The following ZNF83 variants were observed in gnomAD, a reference collection of about 807,000 sequenced individuals.
ZNF83 encodes zinc finger protein 816B.
For synonymous variants in ZNF83, 209 were observed against 213.0 expected, an observed-to-expected ratio of 0.98 and a Z score of 0.17; for missense variants, 552 against 629.9, an observed-to-expected ratio of 0.88 and a Z score of 1.32.
At position 52,659,404 on chromosome 19, in the gene ZNF83, T is replaced by C. The variant is rs1049617956; in HGVS notation, c.-201+1358A>G. Among the ~76,000 whole-genome samples, 4 of 152,082 alleles carry C rather than the reference T, an allele frequency of 2.6e-5. No individual in the cohort carries two copies. In the East Asian group the frequency reaches 7.7e-4, roughly 29 times the overall value. On this transcript the variant is annotated intron_variant, in intron 2 of 5. Coordinates refer to the ZNF83 transcript ENST00000594682. ...CTAAGGTTTCATCACGGGACAATAGTTGTCAGCTCAACAGAAACGGTATAT... is the reference window on the plus strand; with the variant it reads ...CTAAGGTTTCATCACGGGACAATAGCTGTCAGCTCAACAGAAACGGTATAT...
In ZNF83 at chr19:52,614,013, C is replaced by T. The variant is rs1488762586; in HGVS notation, c.552G>A (p.Lys184=). 18 of 1,613,020 alleles carry T rather than the reference C, an allele frequency of 1.1e-5. No individual in the cohort carries two copies. The East Asian group carries it at 4.0e-4, about 36-fold the overall frequency. Reference sequence around the variant, plus strand: ...CAAGGTGTGAAATTTGATTAAAGACCTTGCCACATTCATTACATTTATATG... The same window carrying T: ...CAAGGTGTGAAATTTGATTAAAGACTTTGCCACATTCATTACATTTATATG... The change falls in exon 3 of 3, where the codon AAG becomes AAA. Residue 184 remains lysine, a synonymous_variant. Transcript: ENST00000301096.
intron 1 of ZNF83, among the ~76,000 whole-genome samples, chr19:52,682,860 CCTT>C (rs1005514765): frequency 6.6e-6 from 1 of 151,962 alleles, no homozygotes; most frequent in Non-Finnish European, 1.5e-5. Context: ...CAGAGCGACA[CCTT>C]CTCTCTCTGT....
At chr19:52,675,948 T>C (rs942382339) in intron 1 of ZNF83, among the ~76,000 whole-genome samples, 1 of 152,078 alleles carries the variant, frequency 6.6e-6, no homozygotes, top group African/African-American at 2.4e-5. Context: ...TCCCACCACT[T>C]TGGGAGGCCG....
At chr19:52,650,895 G>A (rs2061433708) in intron 3 of ZNF83, 1 of 152,132 alleles carries the variant, frequency 6.6e-6, no homozygotes. Flanking sequence ...AGTGGTCAAG[G>A]GAGGGAAATT....
Position 52,622,770 on chromosome 19 carries a change from C to G in ZNF83, c.-233-7973G>C, listed in dbSNP as rs550602677. 6.8e-5 allele frequency among the ~76,000 whole-genome samples: 10 copies of G among 147,490 alleles called. 1 individual carries two copies. In the South Asian group the frequency reaches 2.2e-3, roughly 33 times the overall value. The stretch of plus-strand genomic sequence containing the variant: ...TATGCATTTTATCAACCAGTCAGCT[C>G]CTGACATTAGAAAAAAGCTTCAAAA... On this transcript the variant is annotated intron_variant, in intron 2 of 2. Coordinates refer to ENST00000301096, the Ensembl canonical transcript of ZNF83.
chr19:52,684,034 G>T (rs911679351), intron 1 of ZNF83, among the ~76,000 whole-genome samples: 1 of 152,098 alleles, frequency 6.6e-6, no homozygotes, highest in Non-Finnish European at 1.5e-5. Flanking sequence ...ACGAGTTTGA[G>T]ATTAGCCATG....
intron 2 of ZNF83, among the ~76,000 whole-genome samples, chr19:52,621,597 G>C (rs1001399487): frequency 7.4e-6 from 1 of 134,592 alleles, no homozygotes; most frequent in African/African-American, 2.7e-5. Flanking sequence ...CACTCTCTCT[G>C]TGTCTCTACC....
At chr19:52,654,449 T>C (rs920843295) in intron 3 of ZNF83, 6 of 749,632 alleles carry the variant, frequency 8.0e-6, no homozygotes, top group Non-Finnish European at 1.0e-5. Flanking sequence ...GTACAGATGG[T>C]AAATAATATT....
At chr19:52,683,962 A>T (rs1454630360) in intron 1 of ZNF83, among the ~76,000 whole-genome samples, 2 of 152,182 alleles carry the variant, frequency 1.3e-5, no homozygotes, top group African/African-American at 4.8e-5. Context: ...GGGCGGGCAC[A>T]GTGACTCCCG....
chr19:52,671,044 A>G (rs1442801752), intron 1 of ZNF83, among the ~76,000 whole-genome samples: 2 of 152,206 alleles, frequency 1.3e-5, no homozygotes, highest in Admixed American at 1.3e-4. Context: ...TAGGGCCTAG[A>G]AGAAAAAGAT....
upstream of ZNF83, among the ~76,000 whole-genome samples, chr19:52,640,573 A>G (rs1239238178): frequency 2.0e-5 from 3 of 152,078 alleles, no homozygotes; most frequent in Non-Finnish European, 2.9e-5. Flanking sequence ...TCTGTCGCCC[A>G]GTGGTGCAAT....
chr19:52,639,474 G>A (rs1372725156), upstream of ZNF83, among the ~76,000 whole-genome samples: 1 of 135,838 alleles, frequency 7.4e-6, no homozygotes, highest in Non-Finnish European at 1.5e-5. Flanking sequence ...CTGGAATGCG[G>A]TGGCGAGATC....
intron 1 of ZNF83, among the ~76,000 whole-genome samples, chr19:52,666,177 AAG>A (rs1555789578): frequency 6.6e-6 from 1 of 151,074 alleles, no homozygotes; most frequent in African/African-American, 2.4e-5. Context: ...AAAAAAAAAA[AAG>A]AAAGAGACAG....
Position 52,686,643 on chromosome 19 carries a change from A to G in ZNF83, c.-283+3800T>C, listed in dbSNP as rs536166259. ...GGCTGCAGTGCAGCAACATGATTTC[A>G]GCTCACTGCAACCTCTACCTCCCAG... On this transcript the variant is annotated intron_variant, in intron 1 of 5. Coordinates refer to the ZNF83 transcript ENST00000594682. Among the ~76,000 whole-genome samples, 29 of 152,130 alleles carry G rather than the reference A, an allele frequency of 1.9e-4. No homozygotes were observed. In the South Asian group the frequency reaches 5.8e-3, roughly 30 times the overall value.
Position 52,687,883 on chromosome 19 carries a change from C to G in ZNF83, c.-283+2560G>C, listed in dbSNP as rs556892303. On this transcript the variant is annotated intron_variant, in intron 1 of 5. Transcript: ENST00000594682. ...TAATAACAGAAAGTGATTTTTGTTG[C>G]ACTTCACTGCCCCACGTCCTACCCC... is the stretch of plus-strand genomic sequence containing the variant. 7.1e-4 allele frequency among the ~76,000 whole-genome samples: 107 copies of G among 151,118 alleles called. 1 individual carries two copies. The South Asian group carries it at 0.022, about 31-fold the overall frequency.
intron 1 of ZNF83, among the ~76,000 whole-genome samples, chr19:52,683,425 C>A (rs1037423196): frequency 6.6e-6 from 1 of 151,698 alleles, no homozygotes; most frequent in Non-Finnish European, 1.5e-5. Flanking sequence ...AGTCACGGAG[C>A]CTCCAGCTCC....
intron 2 of ZNF83, among the ~76,000 whole-genome samples, chr19:52,620,108 A>T (rs2060479650): frequency 1.3e-5 from 2 of 152,176 alleles, no homozygotes; most frequent in Admixed American, 1.3e-4. Context: ...ATATATGTCC[A>T]CAAAATAATA....
At position 52,614,765 on chromosome 19, in the gene ZNF83, G is replaced by T. The variant is rs867131887; in HGVS notation, c.-201C>A. 4.7e-6 allele frequency: 6 copies of T among 1,285,452 alleles called. No individual in the cohort carries two copies. In the African/African-American group the frequency reaches 7.7e-5, roughly 16 times the overall value. The allele number at this position is 1,285,452 out of a possible 1,614,324, so 79.6% of individuals were successfully genotyped here. A position where few individuals can be genotyped will look rare whatever the true frequency, so the allele number is the denominator to read the frequency against. On this transcript the variant is annotated 5_prime_UTR_variant, in exon 3 of 3. It introduces an in-frame stop codon into an upstream open reading frame of the 5' UTR. Coordinates refer to ENST00000301096, the Ensembl canonical transcript of ZNF83. ...CCTGTATTACTCTCCTTTTTTGGTG[G>T]TAATTCCTTGATCTCACATTTAGAA...
At chr19:52,633,271 G>A (rs530375192) in intron 2 of ZNF83, among the ~76,000 whole-genome samples, 20 of 151,350 alleles carry the variant, frequency 1.3e-4, no homozygotes, top group Admixed American at 1.2e-3. Context: ...CTATAAAACG[G>A]CCCCACCCCA....
Sources: allele counts gnomAD v4.1 joint callset (sites outside exome capture counted in the v4.1 genomes callset), GRCh38; gene constraint gnomAD v4.1.1; transcripts MANE v1.5; gene names NCBI Gene and HGNC (gene_info 2026-07-23, HGNC 2026-07-21).